Variants in STXBP5L observed in about 807,000 individuals in gnomAD.
STXBP5L encodes the protein syntaxin binding protein 5L, also known as syntaxin-binding protein 5-like.
Under a neutral mutation model 144.5 loss-of-function variants are expected in STXBP5L, and 65 were observed. The ratio of observed to expected loss-of-function variants is 0.45; its 90% CI spans 0.37 to 0.55. The LOEUF is 0.55. STXBP5L is among the 20% of genes least tolerant of loss of function. The pLI, the probability that STXBP5L is intolerant of heterozygous loss-of-function variation, is 0.00. For missense variants in STXBP5L, 1,298 were observed against 1,405.5 expected (o/e 0.92, Z 1.22); for synonymous variants, 505 against 469.6 (o/e 1.08, Z -0.97).
At chr3:121,318,212 C>T (rs1411152024) in intron 19 of STXBP5L, among the ~76,000 whole-genome samples, 2 of 151,898 alleles carry the variant, frequency 1.3e-5, no homozygotes, top group African/African-American at 4.8e-5. Context: ...AATCCCAACA[C>T]TTTGGGAAGC....
chr3:121,310,509 G>A (rs560510912), intron 19 of STXBP5L, among the ~76,000 whole-genome samples: 9 of 151,614 alleles, frequency 5.9e-5, no homozygotes, highest in South Asian at 2.1e-4. Context: ...ACTCTATTCC[G>A]AAGGCTGAGG....
At position 121,272,987 on chromosome 3, in the gene STXBP5L, GTTAC is replaced by G. The variant is rs899677457; in HGVS notation, c.1959-6815_1959-6812del. 4.6e-5 allele frequency among the ~76,000 whole-genome samples: 7 copies of G among 151,944 alleles called. 1 individual carries two copies. Among genetic ancestry groups the G allele is most frequent in the African/African-American group, 1.4e-4 (6 of 41,468 alleles). On this transcript the variant is annotated intron_variant, in intron 18 of 26. Transcript: ENST00000471454. Reference sequence around the variant, plus strand: ...AAAACAACAAAATATTATACCTATAGTTACTTTTAATACTTTTGTCTTTTGACCT... The same window carrying G: ...AAAACAACAAAATATTATACCTATAGTTTTAATACTTTTGTCTTTTGACCT...
chr3:121,117,319 A>G (rs548434613), intron 6 of STXBP5L, among the ~76,000 whole-genome samples: 1 of 151,994 alleles, frequency 6.6e-6, no homozygotes, highest in African/African-American at 2.4e-5. Flanking sequence ...TGTTCTTGAA[A>G]TATCTCTGAG....
chr3:121,158,200 G>A (rs1382014881), intron 9 of STXBP5L: 1 of 152,078 alleles, frequency 6.6e-6, no homozygotes, highest in African/African-American at 2.4e-5. Flanking sequence ...ATACCTAATG[G>A]GGAAGAATAA....
chr3:121,065,415 T>C (rs565680786), intron 5 of STXBP5L, among the ~76,000 whole-genome samples: 1 of 152,176 alleles, frequency 6.6e-6, no homozygotes, highest in Admixed American at 6.5e-5. Flanking sequence ...CACATGTCTT[T>C]TGTTGTTGTT....
chr3:121,135,058 C>T (rs1193762237), intron 7 of STXBP5L, among the ~76,000 whole-genome samples: 1 of 152,202 alleles, frequency 6.6e-6, no homozygotes, highest in Non-Finnish European at 1.5e-5. Flanking sequence ...CACATCTTCT[C>T]CAGCACCTGT....
chr3:121,336,439 A>G (rs932001800), intron 20 of STXBP5L, among the ~76,000 whole-genome samples: 5 of 152,044 alleles, frequency 3.3e-5, no homozygotes, highest in African/African-American at 1.2e-4. Context: ...AGAGATTGCA[A>G]TAAACCAAGA....
At chr3:121,034,282 T>C (rs1424817795) in intron 3 of STXBP5L, among the ~76,000 whole-genome samples, 1 of 152,102 alleles carries the variant, frequency 6.6e-6, no homozygotes, top group Non-Finnish European at 1.5e-5. Flanking sequence ...TCATCCCTCA[T>C]CCTCCTCCTT....
At chr3:121,326,380 T>C (rs1200205653) in intron 20 of STXBP5L, among the ~76,000 whole-genome samples, 1 of 152,040 alleles carries the variant, frequency 6.6e-6, no homozygotes, top group East Asian at 1.9e-4. Flanking sequence ...TCTCTATACA[T>C]ACCAGGTGTT....
chr3:121,170,655 C>A (rs942297961), intron 9 of STXBP5L, among the ~76,000 whole-genome samples: 3 of 152,182 alleles, frequency 2.0e-5, no homozygotes, highest in African/African-American at 7.2e-5. Context: ...GAAGTCCAAT[C>A]CCTGAACAGA....
intron 5 of STXBP5L, among the ~76,000 whole-genome samples, chr3:121,097,474 G>T (rs1348664790): frequency 2.6e-5 from 4 of 152,222 alleles, no homozygotes; most frequent in African/African-American, 9.6e-5. Flanking sequence ...GGTCTGCGGG[G>T]TTGCAAAGAC....
intron 10 of STXBP5L, among the ~76,000 whole-genome samples, chr3:121,211,039 A>C (rs1488709797): frequency 6.6e-6 from 1 of 152,120 alleles, no homozygotes. Flanking sequence ...CCATTTTCAC[A>C]ATATTGATTC....
At chr3:121,164,655 T>C (rs1208911082) in intron 9 of STXBP5L, among the ~76,000 whole-genome samples, 4 of 152,314 alleles carry the variant, frequency 2.6e-5, no homozygotes, top group South Asian at 4.1e-4. Context: ...TGTTGACTGA[T>C]GCATGGGTAA....
intron 19 of STXBP5L, among the ~76,000 whole-genome samples, chr3:121,309,861 G>A (rs914733047): frequency 4.6e-5 from 7 of 152,042 alleles, no homozygotes; most frequent in Non-Finnish European, 8.8e-5. Flanking sequence ...AAAGGATCTG[G>A]AATAACTAAA....
intron 19 of STXBP5L, among the ~76,000 whole-genome samples, chr3:121,280,840 C>T (rs1328514015): frequency 1.3e-5 from 2 of 151,254 alleles, no homozygotes; most frequent in Non-Finnish European, 3.0e-5. Flanking sequence ...CTTTGGGAGG[C>T]CGAGGTGAGA....
intron 9 of STXBP5L, among the ~76,000 whole-genome samples, chr3:121,202,883 G>T (rs367688715): frequency 6.6e-6 from 1 of 151,712 alleles, no homozygotes; most frequent in African/African-American, 2.4e-5. Flanking sequence ...ATCCTACTTG[G>T]AGTTTATTGA....
At chr3:121,006,908 C>G (rs372953117) in intron 3 of STXBP5L, among the ~76,000 whole-genome samples, 1 of 152,150 alleles carries the variant, frequency 6.6e-6, no homozygotes, top group South Asian at 2.1e-4. Context: ...AGAGTTTCTG[C>G]TGAGAGATCA....
At chr3:120,969,837 T>C (rs1940035540) in intron 3 of STXBP5L, among the ~76,000 whole-genome samples, 1 of 152,076 alleles carries the variant, frequency 6.6e-6, no homozygotes. Flanking sequence ...TATTACTTGT[T>C]TTCTGGTTGT....
intron 5 of STXBP5L, among the ~76,000 whole-genome samples, chr3:121,082,848 G>A (rs953929142): frequency 1.3e-5 from 2 of 152,168 alleles, no homozygotes; most frequent in Admixed American, 6.5e-5. Context: ...TCTGGAATAA[G>A]CCTCTCTTGT....
Sources: allele counts gnomAD v4.1 joint callset (sites outside exome capture counted in the v4.1 genomes callset), GRCh38; gene constraint gnomAD v4.1.1; transcripts MANE v1.5; gene names NCBI Gene and HGNC (gene_info 2026-07-23, HGNC 2026-07-21).